The following DPP10 variants were observed in gnomAD, a reference collection of about 807,000 sequenced individuals.
DPP10 encodes the protein inactive dipeptidyl peptidase 10.
In DPP10, 33 loss-of-function variants were observed where a neutral mutation model predicts 120.9. The ratio of observed to expected loss-of-function variants is 0.27; its 90% confidence interval spans 0.21 to 0.37. DPP10 has a LOEUF of 0.37. Ranked by LOEUF, DPP10 falls within the 10% of genes least tolerant of loss-of-function variation. DPP10 has a pLI of 1.00. For synonymous variants in DPP10, 337 were observed against 326.1 expected (o/e 1.03, Z -0.36); for missense variants, 816 against 942.8 (o/e 0.87, Z 1.76).
intron 1 of DPP10, among the ~76,000 whole-genome samples, chr2:114,794,760 C>A: frequency 6.6e-6 from 1 of 152,192 alleles, no homozygotes; most frequent in East Asian, 1.9e-4. Flanking sequence ...TCCTACAGAA[C>A]AATCAGTGCT....
At chr2:115,534,086 CTTTTA>C (rs1349633403) in intron 5 of DPP10, among the ~76,000 whole-genome samples, 1 of 147,820 alleles carries the variant, frequency 6.8e-6, no homozygotes, top group Non-Finnish European at 1.5e-5. Flanking sequence ...AAACAACACA[CTTTTA>C]TTTATTTTTT....
At chr2:115,137,801 A>G (rs1293863909) in intron 1 of DPP10, among the ~76,000 whole-genome samples, 1 of 152,216 alleles carries the variant, frequency 6.6e-6, no homozygotes, top group East Asian at 1.9e-4. Flanking sequence ...TATACAGCCA[A>G]GTACCTTCTA....
intron 1 of DPP10, among the ~76,000 whole-genome samples, chr2:114,727,472 A>G (rs1676447239): frequency 6.6e-6 from 1 of 152,194 alleles, no homozygotes; most frequent in Non-Finnish European, 1.5e-5. Flanking sequence ...GGTTGTTTTT[A>G]AAGGATAAAA....
chr2:115,222,731 T>TA (rs1030821399), intron 1 of DPP10, among the ~76,000 whole-genome samples: 4 of 151,840 alleles, frequency 2.6e-5, no homozygotes, highest in Non-Finnish European at 5.9e-5. Context: ...TGAACAGCAT[T>TA]AAAAAAAAGC....
intron 1 of DPP10, among the ~76,000 whole-genome samples, chr2:114,502,481 C>T (rs1015136204): frequency 1.9e-4 from 29 of 152,270 alleles, no homozygotes; most frequent in Admixed American, 1.6e-3. Context: ...AAAAATCATA[C>T]TACATTTTAG....
intron 3 of DPP10, among the ~76,000 whole-genome samples, chr2:115,353,628 T>G (rs532897384): frequency 3.7e-4 from 57 of 152,248 alleles, no homozygotes; most frequent in Non-Finnish European, 5.6e-4. Flanking sequence ...AGTCAAAATT[T>G]GCATGTATGT....
chr2:115,795,873 A>G (rs17045003), intron 19 of DPP10, among the ~76,000 whole-genome samples: 2,770 of 152,088 alleles, frequency 0.018, 85 homozygotes, highest in African/African-American at 0.061. Flanking sequence ...CTGCTATACT[A>G]TTCTCTACTT....
chr2:115,809,042 C>T (rs929547729), intron 19 of DPP10, among the ~76,000 whole-genome samples: 4 of 152,102 alleles, frequency 2.6e-5, no homozygotes, highest in East Asian at 3.9e-4. Flanking sequence ...TTAACAATAT[C>T]CCTAATGGAA....
intron 5 of DPP10, among the ~76,000 whole-genome samples, chr2:115,600,898 A>C (rs977354): frequency 0.99 from 150,516 of 152,316 alleles, 74,397 homozygotes; most frequent in East Asian, 1. Context: ...ACGGGGACAC[A>C]AATTCACATT....
chr2:114,496,890 C>T (rs940616140), intron 1 of DPP10, among the ~76,000 whole-genome samples: 18 of 152,032 alleles, frequency 1.2e-4, no homozygotes, highest in African/African-American at 4.1e-4. Flanking sequence ...TTTGTTTCTC[C>T]TCCAGCCTCT....
At chr2:114,912,136 TCA>T (rs145032229) in intron 1 of DPP10, among the ~76,000 whole-genome samples, 9 of 149,864 alleles carry the variant, frequency 6.0e-5, no homozygotes, top group Admixed American at 6.7e-5. Flanking sequence ...ACATTTGCAC[TCA>T]CACACACACA....
intron 1 of DPP10, among the ~76,000 whole-genome samples, chr2:114,553,693 T>C (rs1053851704): frequency 6.6e-6 from 1 of 152,162 alleles, no homozygotes; most frequent in Non-Finnish European, 1.5e-5. Context: ...TCTTTATTTT[T>C]TTTTCCACAG....
intron 1 of DPP10, among the ~76,000 whole-genome samples, chr2:114,945,644 A>G (rs1343051583): frequency 1.3e-5 from 2 of 151,948 alleles, no homozygotes; most frequent in Non-Finnish European, 2.9e-5. Context: ...GCAAAACCCT[A>G]TCTCTACTAA....
At chr2:115,259,791 A>G (rs999441858) in intron 1 of DPP10, among the ~76,000 whole-genome samples, 13 of 152,246 alleles carry the variant, frequency 8.5e-5, no homozygotes, top group African/African-American at 3.1e-4. Flanking sequence ...GATATTAAAA[A>G]TACACATATG....
chr2:114,582,971 A>G (rs142552789), intron 1 of DPP10, among the ~76,000 whole-genome samples: 285 of 152,300 alleles, frequency 1.9e-3, no homozygotes, highest in African/African-American at 6.4e-3. Flanking sequence ...GCTAAGTCCC[A>G]TGCAGAGAAC....
intron 2 of DPP10, among the ~76,000 whole-genome samples, chr2:115,333,560 A>G (rs2062895010): frequency 6.6e-6 from 1 of 152,100 alleles, no homozygotes; most frequent in Admixed American, 6.6e-5. Flanking sequence ...AGTGGCTGGT[A>G]CTGGTTGTTC....
intron 4 of DPP10, among the ~76,000 whole-genome samples, chr2:115,513,314 A>T (rs928127197): frequency 9.9e-5 from 15 of 152,040 alleles, no homozygotes; most frequent in South Asian, 2.1e-4. Context: ...AATTATTTTA[A>T]AAAAATTTAT....
intron 1 of DPP10, among the ~76,000 whole-genome samples, chr2:114,495,596 C>G (rs532119399): frequency 1.1e-4 from 17 of 152,146 alleles, no homozygotes; most frequent in African/African-American, 3.1e-4. Flanking sequence ...AAAGAATGTT[C>G]TTTTATAAGA....
intron 1 of DPP10, among the ~76,000 whole-genome samples, chr2:115,057,608 C>G (rs1389127475): frequency 1.3e-5 from 2 of 152,140 alleles, no homozygotes; most frequent in Non-Finnish European, 2.9e-5. Flanking sequence ...TTGTTTTGGT[C>G]TTTTGCTTCG....
Sources: allele counts gnomAD v4.1 joint callset (sites outside exome capture counted in the v4.1 genomes callset), GRCh38; gene constraint gnomAD v4.1.1; transcripts MANE v1.5; gene names NCBI Gene and HGNC (gene_info 2026-07-23, HGNC 2026-07-21).